Variants in SDK1 observed in about 807,000 individuals in gnomAD.
SDK1 encodes sidekick cell adhesion molecule 1.
Under a neutral mutation model 245.5 loss-of-function variants are expected in SDK1, and 157 were observed. The observed-to-expected ratio is 0.64, with a 90% confidence interval of 0.56 to 0.73. The LOEUF (loss-of-function observed/expected upper bound fraction) is 0.73. SDK1 is among the 30% of genes least tolerant of loss of function. The probability of loss-of-function intolerance (pLI) is 0.00; values close to 1 mark genes in which losing one functional copy is unlikely to be tolerated. For synonymous variants in SDK1, 1,647 were observed against 1,278.5 expected (o/e 1.29, Z -6.15); for missense variants, 3,583 against 3,002.3 (o/e 1.19, Z -4.52).
intron 2 of SDK1, among the ~76,000 whole-genome samples, chr7:3,628,193 G>A (rs1303161888): frequency 1.3e-5 from 2 of 152,084 alleles, no homozygotes; most frequent in Non-Finnish European, 2.9e-5. Context: ...TGAGGCCTGT[G>A]TATAACTGAG....
At chr7:3,895,692 G>T (rs1424244969) in intron 5 of SDK1, among the ~76,000 whole-genome samples, 1 of 152,142 alleles carries the variant, frequency 6.6e-6, no homozygotes, top group Non-Finnish European at 1.5e-5. Context: ...CCTGAAGTCA[G>T]ACCTTTCTTC....
chr7:3,895,444 C>T (rs1478324414), intron 5 of SDK1, among the ~76,000 whole-genome samples: 1 of 152,130 alleles, frequency 6.6e-6, no homozygotes, highest in Non-Finnish European at 1.5e-5. Context: ...AGGATGTTTT[C>T]TGTTTAGAAT....
At chr7:3,532,602 C>G (rs1460477290) in intron 1 of SDK1, among the ~76,000 whole-genome samples, 1 of 152,310 alleles carries the variant, frequency 6.6e-6, no homozygotes, top group South Asian at 2.1e-4. Context: ...TGTTTTCCTA[C>G]TATAACTGTC....
chr7:4,220,973 C>T (rs1785120803), intron 39 of SDK1, among the ~76,000 whole-genome samples: 2 of 150,516 alleles, frequency 1.3e-5, no homozygotes, highest in Non-Finnish European at 2.9e-5. Flanking sequence ...TTTGTAGAGA[C>T]AAGTTTTTGC....
chr7:3,373,157 C>A (rs958439925), intron 1 of SDK1, among the ~76,000 whole-genome samples: 1 of 152,152 alleles, frequency 6.6e-6, no homozygotes, highest in Admixed American at 6.5e-5. Flanking sequence ...AATGCATACA[C>A]CTAACCTACT....
chr7:3,567,502 T>C (rs1285687726), intron 1 of SDK1, among the ~76,000 whole-genome samples: 1 of 152,228 alleles, frequency 6.6e-6, no homozygotes, highest in East Asian at 1.9e-4. Flanking sequence ...CAAAAATTCT[T>C]GTCCTGGTGC....
At chr7:3,711,834 C>G (rs1277733702) in intron 4 of SDK1, among the ~76,000 whole-genome samples, 1 of 152,128 alleles carries the variant, frequency 6.6e-6, no homozygotes, top group Non-Finnish European at 1.5e-5. Flanking sequence ...GCGTTGTGAT[C>G]TTTTGATTTG....
At chr7:4,069,135 G>C (rs369003546) in intron 20 of SDK1, among the ~76,000 whole-genome samples, 9 of 152,196 alleles carry the variant, frequency 5.9e-5, no homozygotes, top group African/African-American at 2.2e-4. Context: ...CTCAGATGAG[G>C]CTGGGCAGGG....
At chr7:3,399,707 T>A (rs182460341) in intron 1 of SDK1, among the ~76,000 whole-genome samples, 4 of 152,082 alleles carry the variant, frequency 2.6e-5, no homozygotes, top group Non-Finnish European at 5.9e-5. Context: ...CAGTTGATGA[T>A]TGGACACAAA....
intron 1 of SDK1, among the ~76,000 whole-genome samples, chr7:3,587,773 C>G (rs990377128): frequency 6.6e-6 from 1 of 152,264 alleles, no homozygotes; most frequent in Non-Finnish European, 1.5e-5. Context: ...TACACTGCCC[C>G]TTGGCCTTTC....
intron 44 of SDK1, among the ~76,000 whole-genome samples, chr7:4,253,970 T>C (rs1008343118): frequency 6.6e-6 from 1 of 152,188 alleles, no homozygotes; most frequent in African/African-American, 2.4e-5. Flanking sequence ...TTGTTTTTGC[T>C]TTTGCTCTAT....
chr7:3,414,936 C>T (rs1182210058), intron 1 of SDK1, among the ~76,000 whole-genome samples: 1 of 152,100 alleles, frequency 6.6e-6, no homozygotes, highest in Admixed American at 6.5e-5. Context: ...AAAAATATTT[C>T]CGTGCACGGA....
At chr7:3,358,890 T>C (rs1190228887) in intron 1 of SDK1, among the ~76,000 whole-genome samples, 2 of 152,222 alleles carry the variant, frequency 1.3e-5, no homozygotes, top group Admixed American at 6.5e-5. Flanking sequence ...ATGATTGTTA[T>C]GGGTAGGAAT....
chr7:4,233,003 A>G (rs1321861202), intron 40 of SDK1: 7 of 403,554 alleles, frequency 1.7e-5, no homozygotes, highest in Admixed American at 3.8e-5. Flanking sequence ...GTTTCCCACT[A>G]TGACCATTTC....
chr7:3,474,122 T>TTG (rs1781272481), intron 1 of SDK1, among the ~76,000 whole-genome samples: 1 of 116,562 alleles, frequency 8.6e-6, no homozygotes, highest in African/African-American at 3.3e-5. Context: ...TTTTTTTTTT[T>TTG]GAGACCGTGT....
chr7:3,939,321 G>C (rs1339101375), intron 5 of SDK1, among the ~76,000 whole-genome samples: 1 of 152,228 alleles, frequency 6.6e-6, no homozygotes, highest in Non-Finnish European at 1.5e-5. Flanking sequence ...GCTCTTAAAA[G>C]AATAGAAAAT....
At position 3,583,367 on chromosome 7, in the gene SDK1, T is replaced by C. The variant is rs559245035; in HGVS notation, c.299-35713T>C. ...TCCGGTGCCAAATTGCTCTTAAAGGTGAGTGATTCATAAAGGATATTTTAT... is the reference window on the plus strand; with the variant it reads ...TCCGGTGCCAAATTGCTCTTAAAGGCGAGTGATTCATAAAGGATATTTTAT... On this transcript the variant is annotated intron_variant, in intron 1 of 44. Transcript: ENST00000404826. 7.2e-5 allele frequency among the ~76,000 whole-genome samples: 11 copies of C among 152,232 alleles called. 1 individual carries two copies. The South Asian group carries it at 2.1e-3, about 29-fold the overall frequency.
chr7:3,543,098 C>A (rs1380842432), intron 1 of SDK1, among the ~76,000 whole-genome samples: 1 of 152,182 alleles, frequency 6.6e-6, no homozygotes, highest in Non-Finnish European at 1.5e-5. Context: ...AATTTTCCTG[C>A]CAAAAACGTG....
chr7:4,259,134 A>T (rs937404104), intron 44 of SDK1, among the ~76,000 whole-genome samples: 3 of 152,216 alleles, frequency 2.0e-5, no homozygotes, highest in African/African-American at 7.2e-5. Flanking sequence ...CCTAGAAAAC[A>T]GATGAAGAAT....
Sources: allele counts gnomAD v4.1 joint callset (sites outside exome capture counted in the v4.1 genomes callset), GRCh38; gene constraint gnomAD v4.1.1; transcripts MANE v1.5; gene names NCBI Gene and HGNC (gene_info 2026-07-23, HGNC 2026-07-21).